KIF3B: variants seen among roughly 807,000 people sequenced by gnomAD.
KIF3B encodes kinesin family member 3B, also known as kinesin-like protein KIF3B.
In KIF3B, 38 loss-of-function variants were observed where a neutral mutation model predicts 74.3. The observed-to-expected ratio is 0.51, with a 90% CI of 0.39 to 0.67. The LOEUF (loss-of-function observed/expected upper bound fraction) is 0.67. Ranked by LOEUF, KIF3B falls within the 30% of genes least tolerant of loss-of-function variation. KIF3B has a pLI of 0.00. For synonymous variants in KIF3B, 326 were observed against 342.5 expected (o/e 0.95, Z 0.53); for missense variants, 649 against 932.0 (o/e 0.70, Z 3.95).
intron 5 of KIF3B, among the ~76,000 whole-genome samples, chr20:32,318,822 A>AT (rs958457328): frequency 6.6e-6 from 1 of 152,094 alleles, no homozygotes; most frequent in African/African-American, 2.4e-5. Context: ...GTGTGTTTTC[A>AT]TTTCTCTGGG....
chr20:32,312,837 A>G (rs900880146), intron 2 of KIF3B, among the ~76,000 whole-genome samples: 2 of 152,216 alleles, frequency 1.3e-5, no homozygotes, highest in Admixed American at 6.5e-5. Context: ...TTCTCTAGAC[A>G]AGGACAAGTT....
intron 1 of KIF3B, among the ~76,000 whole-genome samples, chr20:32,280,714 CAAAAAAAAAAA>C (rs34366324): frequency 1.9e-5 from 1 of 51,346 alleles, no homozygotes; most frequent in Non-Finnish European, 3.4e-5. Context: ...GACTCCGTCT[CAAAAAAAAAAA>C]AAAAAAAAAA....
intron 5 of KIF3B, among the ~76,000 whole-genome samples, chr20:32,322,652 T>TTATATATTTATATATATTTATATATTTA (rs1569207411): frequency 2.0e-5 from 1 of 50,518 alleles, no homozygotes; most frequent in Non-Finnish European, 3.1e-5. Flanking sequence ...ATATATATTT[T>TTATATATTTATATATATTTATATATTTA]TATATATTTA....
At position 32,326,843 on chromosome 20, in the gene KIF3B, A is replaced by G. The variant is rs1248567532; in HGVS notation, c.1821A>G (p.Glu607=). 1 of 1,593,954 alleles carries G rather than the reference A, an allele frequency of 6.3e-7. No individual in the cohort carries two copies. Residue 607 remains glutamate (E), a synonymous_variant, in exon 6 of 9, where the codon GAA becomes GAG. Coordinates refer to ENST00000375712, the MANE Select transcript of KIF3B (RefSeq NM_004798.4). ...TTATGAATAGAGCCTTCTTTGATGA[A>G]GAGGAAGATCATTGGAAACTACATC... ...SKIMNRAFFD[E]EEDHWKLHPI...
intron 1 of KIF3B, among the ~76,000 whole-genome samples, chr20:32,292,980 C>T (rs1042080716): frequency 1.4e-3 from 218 of 152,186 alleles, no homozygotes; most frequent in African/African-American, 4.5e-3. Context: ...TTTGGCTGGG[C>T]GCAGTGGCTC....
chr20:32,316,545 A>T lies in KIF3B; in HGVS notation c.1525A>T (p.Ile509Phe). Residue 509 changes from isoleucine (I) to phenylalanine (F), a missense_variant, in exon 4 of 9, where the codon ATC (isoleucine) becomes TTC (phenylalanine). Ile to Phe is a conservative substitution (Grantham distance 21). This residue lies in a region of KIF3B where 363 missense variants were observed against 592.8 expected (regional missense o/e 0.61). Coordinates refer to ENST00000375712, the MANE Select transcript of KIF3B (RefSeq NM_004798.4). ...IAEQKRRERE[I>F]QQQMESRDEE... Reference sequence around the variant, plus strand: ...TGCTCAGAAACGTCGAGAAAGAGAAATCCAGCAACAGATGGAAAGTCGAGA... The same window carrying T: ...TGCTCAGAAACGTCGAGAAAGAGAATTCCAGCAACAGATGGAAAGTCGAGA... 6.2e-7 allele frequency: 1 copy of T among 1,614,100 alleles called. No individual in the cohort carries two copies. Among genetic ancestry groups the T allele is most frequent in the South Asian group, 1.1e-5 (1 of 91,068 alleles).
Position 32,330,308 on chromosome 20 carries a change from A to G in KIF3B, c.2136A>G (p.Lys712=), listed in dbSNP as rs770720320. ...CATTTGAAAGCACTGCAAATAAGAA[A>G]TCCAAGGCCAGGTGAGTGGCTTTGA... The part of the protein sequence containing the change: ...ASSFESTANK[K]SKARPKSGRK... The change falls in exon 8 of 9, where the codon AAA becomes AAG. Residue 712 remains lysine (K), a synonymous_variant. Coordinates refer to ENST00000375712, the MANE Select transcript of KIF3B (RefSeq NM_004798.4). 1 of 1,613,950 alleles carries G rather than the reference A, an allele frequency of 6.2e-7. No individual in the cohort carries two copies. The highest frequency in any genetic ancestry group is 2.2e-5 in the East Asian group (1 of 44,876).
intron 7 of KIF3B, among the ~76,000 whole-genome samples, chr20:32,329,203 C>T (rs1043778241): frequency 2.6e-5 from 4 of 152,108 alleles, no homozygotes; most frequent in Middle Eastern, 3.2e-3. Flanking sequence ...CCAACACGCT[C>T]AGCTAATTTT....
intron 1 of KIF3B, among the ~76,000 whole-genome samples, chr20:32,281,335 C>T (rs1403807403): frequency 6.6e-6 from 1 of 152,200 alleles, no homozygotes; most frequent in East Asian, 1.9e-4. Flanking sequence ...ATTCAGTGTA[C>T]TTACCACTAT....
intron 7 of KIF3B, among the ~76,000 whole-genome samples, chr20:32,328,972 A>T (rs1339125820): frequency 6.6e-6 from 1 of 152,100 alleles, no homozygotes; most frequent in East Asian, 1.9e-4. Context: ...CAGTGGCGCG[A>T]GCTCTGCTTA....
At position 32,280,608 on chromosome 20, in the gene KIF3B, G is replaced by A. The variant is rs929727351; in HGVS notation, c.-66+2843G>A. Among the ~76,000 whole-genome samples, 9 of 151,224 alleles carry A rather than the reference G, an allele frequency of 6.0e-5. No homozygotes were observed. The East Asian group carries it at 1.2e-3, about 20-fold the overall frequency. ...CGGGCGCCTGTAGTCCCAGCTACTCGGGAGGCTGAGGCAGGAGAATGGCGT... is the reference window on the plus strand; with the variant it reads ...CGGGCGCCTGTAGTCCCAGCTACTCAGGAGGCTGAGGCAGGAGAATGGCGT... On this transcript the variant is annotated intron_variant, in intron 1 of 8. Transcript: ENST00000375712.
chr20:32,291,444 A>C (rs2047690801), intron 1 of KIF3B, among the ~76,000 whole-genome samples: 1 of 151,924 alleles, frequency 6.6e-6, no homozygotes, highest in Non-Finnish European at 1.5e-5. Flanking sequence ...CCTTCCATGC[A>C]CCCCACCCCT....
chr20:32,287,829 CAG>C (rs1210257506), intron 1 of KIF3B, among the ~76,000 whole-genome samples: 1 of 142,586 alleles, frequency 7.0e-6, no homozygotes, highest in African/African-American at 2.6e-5. Context: ...AAAATTCTAA[CAG>C]AGAACTGTCC....
intron 1 of KIF3B, among the ~76,000 whole-genome samples, chr20:32,282,481 C>T (rs1176443773): frequency 2.0e-5 from 3 of 152,088 alleles, no homozygotes; most frequent in Non-Finnish European, 4.4e-5. Context: ...GGGAGGAAAT[C>T]CCAGATTATG....
intron 1 of KIF3B, among the ~76,000 whole-genome samples, chr20:32,301,481 A>G (rs1312556049): frequency 6.6e-6 from 1 of 151,946 alleles, no homozygotes; most frequent in Admixed American, 6.6e-5. Context: ...GGTTCAAGCA[A>G]TTCTCCTGCC....
In KIF3B at chr20:32,331,223, G is replaced by A. The variant is rs2047928052; in HGVS notation, c.2148G>A (p.Arg716=). The change falls in exon 9 of 9, where the codon AGG becomes AGA. Residue 716 remains arginine, a splice_region_variant and synonymous_variant. Transcript: ENST00000375712. ...ESTANKKSKA[R]PKSGRKSGSS... ...ATAAACATGTGTTTGACTTTTGCAGGCCTAAAAGTGGAAGGAAGTCGGGAT... is the reference window on the plus strand; with the variant it reads ...ATAAACATGTGTTTGACTTTTGCAGACCTAAAAGTGGAAGGAAGTCGGGAT... 6.2e-7 allele frequency: 1 copy of A among 1,612,034 alleles called. No homozygotes were observed. Among genetic ancestry groups the A allele is most frequent in the Non-Finnish European group, 8.5e-7 (1 of 1,178,408 alleles).
chr20:32,313,359 T>A (rs1274461525), intron 2 of KIF3B, among the ~76,000 whole-genome samples: 1 of 152,190 alleles, frequency 6.6e-6, no homozygotes, highest in Non-Finnish European at 1.5e-5. Context: ...TTGATTTCTA[T>A]CCTAAAATGT....
At chr20:32,306,677 C>T (rs1272394211) in intron 1 of KIF3B, among the ~76,000 whole-genome samples, 2 of 150,058 alleles carry the variant, frequency 1.3e-5, no homozygotes, top group Non-Finnish European at 1.5e-5. Context: ...GCAATGCAAC[C>T]GCCACCTCCC....
intron 5 of KIF3B, among the ~76,000 whole-genome samples, chr20:32,325,766 C>T (rs2047900938): frequency 7.2e-6 from 1 of 138,012 alleles, no homozygotes; most frequent in African/African-American, 2.6e-5. Flanking sequence ...CCTCTGGGTT[C>T]AAGTGATTCT....
Sources: allele counts gnomAD v4.1 joint callset (sites outside exome capture counted in the v4.1 genomes callset), GRCh38; gene constraint gnomAD v4.1.1; regional missense constraint gnomAD v4.1.1; transcripts MANE v1.5; gene names NCBI Gene and HGNC (gene_info 2026-07-23, HGNC 2026-07-21).